The following SPTSSB variants were observed in gnomAD, a reference collection of about 807,000 sequenced individuals.
SPTSSB encodes the protein serine palmitoyltransferase small subunit B, also known as androgen down regulated in mouse prostate.
SPTSSB carries 6 observed loss-of-function variants against 7.7 expected under a neutral mutation model. The ratio of observed to expected loss-of-function variants is 0.78; its 90% CI spans 0.43 to 1.54. The LOEUF (loss-of-function observed/expected upper bound fraction) is 1.54, where lower values mean the gene tolerates loss of function less well. Ranked by LOEUF, SPTSSB falls within the 40% of genes most tolerant of loss-of-function variation. SPTSSB has a pLI of 0.01. For missense variants in SPTSSB, 91 were observed against 93.0 expected, an observed-to-expected ratio of 0.98 and a Z score of 0.09; for synonymous variants, 28 against 29.7, an observed-to-expected ratio of 0.94 and a Z score of 0.19.
At chr3:161,356,921 G>A (rs1714792598) in intron 2 of SPTSSB, among the ~76,000 whole-genome samples, 1 of 152,084 alleles carries the variant, frequency 6.6e-6, no homozygotes. Flanking sequence ...TGTTGAGGCT[G>A]CACTGAGCTG....
intron 1 of SPTSSB, among the ~76,000 whole-genome samples, chr3:161,362,687 G>T (rs1292077205): frequency 6.6e-6 from 1 of 152,006 alleles, no homozygotes; most frequent in Non-Finnish European, 1.5e-5. Flanking sequence ...TTAAAAAGCT[G>T]CATGACCAGA....
intron 2 of SPTSSB, among the ~76,000 whole-genome samples, chr3:161,353,806 G>C (rs1327403034): frequency 2.0e-5 from 3 of 152,152 alleles, no homozygotes; most frequent in Non-Finnish European, 4.4e-5. Context: ...TACATTCTCT[G>C]TGGGTGACCC....
chr3:161,368,261 G>T (rs1311668479), intron 1 of SPTSSB, among the ~76,000 whole-genome samples: 3 of 152,080 alleles, frequency 2.0e-5, no homozygotes, highest in African/African-American at 4.8e-5. Flanking sequence ...GCTTTATTGA[G>T]ATAAAACTCA....
chr3:161,349,366 G>A, intron 2 of SPTSSB, among the ~76,000 whole-genome samples: 1 of 152,298 alleles, frequency 6.6e-6, no homozygotes, highest in East Asian at 1.9e-4. Flanking sequence ...TGATAACCTA[G>A]AACTAGATGA....
chr3:161,359,740 C>T (rs1714930953), intron 2 of SPTSSB, 62 bp downstream of exon 2: 1 of 985,306 alleles, frequency 1.0e-6, no homozygotes. Flanking sequence ...GACGCCATCT[C>T]ACAGTGAAAA....
At chr3:161,357,861 G>A (rs1318377988) in intron 2 of SPTSSB, among the ~76,000 whole-genome samples, 2 of 152,070 alleles carry the variant, frequency 1.3e-5, no homozygotes, top group South Asian at 2.1e-4. Context: ...GAAGTACAGC[G>A]CTGCCAACAC....
rs546434147 is a variant in SPTSSB, at chr3:161,358,146, G to A, written c.-33+1656C>T. On this transcript the variant is annotated intron_variant, in intron 2 of 2. Transcript: ENST00000620149. ...CCTCCTCACTTCAGCTTCCCAAGTAGGTGGGAATATAGGCGTGCACCACTG... is the reference window on the plus strand; with the variant it reads ...CCTCCTCACTTCAGCTTCCCAAGTAAGTGGGAATATAGGCGTGCACCACTG... Among the ~76,000 whole-genome samples the A allele has an allele frequency of 7.3e-5, 11 of 151,314 alleles. 1 individual carries two copies. The highest frequency in any genetic ancestry group is 2.7e-4 in the African/African-American group (11 of 41,132).
At position 161,344,838 on chromosome 3, in the gene SPTSSB, A is replaced by G. The variant is rs916217988; in HGVS notation, c.*1255T>C. The stretch of plus-strand genomic sequence containing the variant: ...AATTTTATTTTGCAAAACTCAACAA[A>G]TACATGTTCAGATCTGGTTTCTCTT... On this transcript the variant is annotated 3_prime_UTR_variant, in exon 3 of 3. Transcript: ENST00000620149. The G allele has an allele frequency of 2.0e-5, 3 of 152,542 alleles. No individual in the cohort carries two copies. Among genetic ancestry groups the G allele is most frequent in the African/African-American group, 7.2e-5 (3 of 41,464 alleles). The allele number at this position is 152,542 out of a possible 1,614,324, so 9.4% of individuals were successfully genotyped here.
At chr3:161,365,194 A>T (rs336580) in intron 1 of SPTSSB, among the ~76,000 whole-genome samples, 84,845 of 152,132 alleles carry the variant, frequency 0.56, 24,644 homozygotes, top group East Asian at 0.88. Flanking sequence ...TAACAACAAT[A>T]TAAGAGATGC....
At chr3:161,351,503 A>G (rs1714534766) in intron 2 of SPTSSB, among the ~76,000 whole-genome samples, 1 of 152,172 alleles carries the variant, frequency 6.6e-6, no homozygotes, top group Admixed American at 6.5e-5. Flanking sequence ...ATCCTTGCAT[A>G]AGAGACTGGC....
intron 2 of SPTSSB, among the ~76,000 whole-genome samples, chr3:161,358,604 C>T (rs1576899291): frequency 6.6e-6 from 1 of 152,102 alleles, no homozygotes; most frequent in Non-Finnish European, 1.5e-5. Context: ...ATTATGACTA[C>T]CAGGCAAAGA....
intron 2 of SPTSSB, 57 bp from the exon 3 acceptor site, chr3:161,346,412 A>G (rs1714240080): frequency 3.6e-6 from 3 of 823,170 alleles, no homozygotes; most frequent in Non-Finnish European, 6.1e-6. Flanking sequence ...ATCACTTTAA[A>G]ATTTCATGAT....
chr3:161,362,895 T>G (rs2108166096), intron 1 of SPTSSB, among the ~76,000 whole-genome samples: 1 of 152,186 alleles, frequency 6.6e-6, no homozygotes, highest in South Asian at 2.1e-4. Context: ...GTTGCAGCTT[T>G]ATACAATATG....
chr3:161,348,251 G>GCAAAA (rs10551450), intron 2 of SPTSSB: 11,043 of 146,436 alleles, frequency 0.075, 547 homozygotes, highest in Middle Eastern at 0.12. Context: ...TGAGATCCTG[G>GCAAAA]CAAAACAAAA....
At chr3:161,346,603 T>A (rs929607968) in intron 2 of SPTSSB, among the ~76,000 whole-genome samples, 2 of 152,174 alleles carry the variant, frequency 1.3e-5, no homozygotes, top group African/African-American at 4.8e-5. Flanking sequence ...GTAACATCTA[T>A]CTAAACATGA....
At chr3:161,355,994 T>C (rs1329889615) in intron 2 of SPTSSB, among the ~76,000 whole-genome samples, 2 of 152,194 alleles carry the variant, frequency 1.3e-5, no homozygotes, top group Admixed American at 6.5e-5. Context: ...ATTACTAGTC[T>C]AGCAAAATCA....
rs62279927 is a variant in SPTSSB, at chr3:161,371,475, C to A, written c.-166G>T. The A allele has an allele frequency of 0.042, 41,847 of 985,446 alleles. 943 individuals are homozygous for A. Among genetic ancestry groups the A allele is most frequent in the Middle Eastern group, 0.054 (104 of 1,914 alleles). The allele number at this position is 985,446 out of a possible 1,614,324, so 61.0% of individuals were successfully genotyped here. A position where few individuals can be genotyped will look rare whatever the true frequency, so the allele number is the denominator to read the frequency against. On this transcript the variant is annotated 5_prime_UTR_variant, in exon 1 of 3. Coordinates refer to ENST00000620149, the MANE Select transcript of SPTSSB (RefSeq NM_001040100.2). ...ATCTCCCTGCGGCTTAGGTGAGCGC[C>A]GAGGCTTTGGCTCCTCCCCAGCTGC...
At chr3:161,351,183 T>C (rs974146277) in intron 2 of SPTSSB, among the ~76,000 whole-genome samples, 1 of 152,168 alleles carries the variant, frequency 6.6e-6, no homozygotes, top group Non-Finnish European at 1.5e-5. Flanking sequence ...ATGAGTAAAG[T>C]AAGAACTTTA....
intron 1 of SPTSSB, among the ~76,000 whole-genome samples, chr3:161,371,106 A>C (rs1715489989): frequency 6.6e-6 from 1 of 152,198 alleles, no homozygotes. Context: ...TTTAAGAAGG[A>C]AACCAAGCAC....
Sources: gnomAD v4.1 joint callset for allele counts (sites outside exome capture counted in the v4.1 genomes callset) on GRCh38, gnomAD v4.1.1 for gene constraint, MANE v1.5 for transcripts, NCBI Gene and HGNC (gene_info 2026-07-23, HGNC 2026-07-21) for gene names.